Variants in FAM240C observed in about 807,000 individuals in gnomAD.
The protein encoded by FAM240C is protein FAM240C.
In FAM240C, 14 loss-of-function variants were observed where a neutral mutation model predicts 10.0. That is an observed-to-expected ratio of 1.40 (90% CI 0.92 to 2.19). FAM240C has a LOEUF of 2.19. FAM240C is among the 30% of genes most tolerant of loss of function. The pLI is 0.00. For missense variants in FAM240C, 154 were observed against 122.3 expected (o/e 1.26, Z -1.22); for synonymous variants, 49 against 44.3 (o/e 1.11, Z -0.42).
rs1701736780 is a variant in FAM240C at position 241,894,396 on chromosome 2, G to C, written c.162-57C>G. On this transcript the variant is annotated intron_variant, in intron 2 of 2. Coordinates refer to ENST00000404031, the MANE Select transcript of FAM240C (RefSeq NM_001382368.1). ...GTCAAGCTCTCGGAACTTAGTGACG[G>C]CCAAGCCCGTGTCTCTCAGCACCTG... The C allele has an allele frequency of 2.0e-6, 3 of 1,504,490 alleles. No homozygotes were observed. In the East Asian group the frequency reaches 7.5e-5, roughly 37 times the overall value. The allele number at this position is 1,504,490 out of a possible 1,614,324, so 93.2% of individuals were successfully genotyped here.
intron 2 of FAM240C, among the ~76,000 whole-genome samples, chr2:241,895,662 TGTGG>T (rs1442310583): frequency 6.6e-6 from 1 of 152,170 alleles, no homozygotes; most frequent in Non-Finnish European, 1.5e-5. Context: ...AACCGGGCTG[TGTGG>T]GTGGATGGAG....
intron 2 of FAM240C, among the ~76,000 whole-genome samples, chr2:241,896,526 GGTGTTGGGGTGTGGGTGTTGGGGTGTGT>G (rs1701811867): frequency 4.7e-5 from 6 of 127,232 alleles, no homozygotes; most frequent in Admixed American, 1.6e-4. Context: ...TTGGGGTGTG[GGTGTTGGGGTGTGGGTGTTGGGGTGTGT>G]GTGTTGGGGT....
intron 1 of FAM240C, among the ~76,000 whole-genome samples, chr2:241,898,384 T>C (rs1701902566): frequency 6.6e-6 from 1 of 152,112 alleles, no homozygotes; most frequent in African/African-American, 2.4e-5. Context: ...AAACCCTGTC[T>C]CTACTAAAAA....
chr2:241,897,480 G>T, intron 1 of FAM240C, 146 bp from the exon 2 acceptor site: 1 of 980,450 alleles, frequency 1.0e-6, no homozygotes, highest in Non-Finnish European at 1.5e-6. Flanking sequence ...GGATGGCGGA[G>T]GCTGCCCTCT....
intron 2 of FAM240C, among the ~76,000 whole-genome samples, 195 bp downstream of exon 2, chr2:241,896,991 G>T (rs78709065): frequency 2.6e-5 from 4 of 151,876 alleles, no homozygotes; most frequent in Non-Finnish European, 5.9e-5. Context: ...TGTTCCAAGC[G>T]TGATCACTAA....
Position 241,897,341 on chromosome 2 carries a change from A to G in FAM240C, c.13-7T>C. The G allele has an allele frequency of 1.3e-6, 2 of 1,549,112 alleles. No individual in the cohort carries two copies. The highest frequency in any genetic ancestry group is 1.7e-6 in the Non-Finnish European group (2 of 1,146,044). On this transcript the variant is annotated splice_polypyrimidine_tract_variant and splice_region_variant and intron_variant, in intron 1 of 2. Coordinates refer to ENST00000404031, the MANE Select transcript of FAM240C (RefSeq NM_001382368.1). ...TGAGGCTTTTACTCATGTTCTGGAA[A>G]ATAAAAAGTGGAGAAGAGCTCAGTC...
rs199541986 is a variant in FAM240C, at chr2:241,900,308, C to T, written c.12+50G>A. 2.6e-4 allele frequency: 189 copies of T among 716,422 alleles called. 1 individual carries two copies. The highest frequency in any genetic ancestry group is 1.5e-3 in the Admixed American group (73 of 49,964). 44.4% of individuals were successfully genotyped at this position (716,422 alleles called of 1,614,324 possible). On this transcript the variant is annotated intron_variant, in intron 1 of 2. Coordinates refer to ENST00000404031, the MANE Select transcript of FAM240C (RefSeq NM_001382368.1). This position sits in a 1 kb window ranked among gnomAD's most constrained non-coding sequence, Gnocchi z 4.5. ...ACCTTTTGGGGGCCCCCAAATGCAG[C>T]GCCAATCTCTCAAGCAAGGACAGCG...
chr2:241,894,582 G>A (rs994698415), intron 2 of FAM240C, among the ~76,000 whole-genome samples: 39 of 145,998 alleles, frequency 2.7e-4, no homozygotes, highest in African/African-American at 9.2e-4. Context: ...GTGGGGGGGG[G>A]GGGGGGCGTC....
intron 1 of FAM240C, 123 bp from the exon 2 acceptor site, chr2:241,897,457 C>CCCCCACGCACCAGGAAGG: frequency 8.1e-7 from 1 of 1,230,712 alleles, no homozygotes; most frequent in Non-Finnish European, 1.1e-6. Flanking sequence ...TCCCCGCCTT[C>CCCCCACGCACCAGGAAGG]CTGGTTCGTG....
chr2:241,895,822 GC>G (rs5839832), intron 2 of FAM240C, among the ~76,000 whole-genome samples: 8,188 of 152,246 alleles, frequency 0.054, 1,024 homozygotes, highest in East Asian at 0.48. Flanking sequence ...CTGCACCCAG[GC>G]AATGGCCAGA....
upstream of FAM240C, among the ~76,000 whole-genome samples, chr2:241,900,733 G>A (rs1029047556): frequency 6.6e-6 from 1 of 152,120 alleles, no homozygotes; most frequent in Non-Finnish European, 1.5e-5. This position sits in a 1 kb window ranked among gnomAD's most constrained non-coding sequence, Gnocchi z 4.5. Flanking sequence ...TAGGAGTCCT[G>A]GGTTTTGCCC....
At chr2:241,896,545 T>A (rs879331303) in intron 2 of FAM240C, among the ~76,000 whole-genome samples, 1,135 of 10,602 alleles carry the variant, frequency 0.11, no homozygotes, top group Non-Finnish European at 0.18. Context: ...GTGTGGGTGT[T>A]GGGGTGTGTG....
intron 1 of FAM240C, chr2:241,899,382 A>G: frequency 2.0e-6 from 2 of 977,114 alleles, no homozygotes; most frequent in Non-Finnish European, 2.4e-6. Flanking sequence ...TTGATCATGA[A>G]GGGACTGAAC....
At chr2:241,900,508 A>C (rs1437964366), upstream of FAM240C, 3 of 653,624 alleles carry the variant, frequency 4.6e-6, no homozygotes, top group Non-Finnish European at 2.9e-6. The surrounding 1 kb of genome is among the most constrained non-coding windows in gnomAD (Gnocchi z 4.5). Flanking sequence ...GTTCAGTCCC[A>C]GAAAGACGCG....
intron 2 of FAM240C, 36 bp downstream of exon 2, chr2:241,897,150 A>T (rs1342123553): frequency 3.9e-6 from 6 of 1,545,598 alleles, no homozygotes; most frequent in Middle Eastern, 3.5e-4. Context: ...TGGCTCAGGC[A>T]TAGGGGTCCC....
chr2:241,894,414 AGCACCTGG>A, intron 2 of FAM240C, 75 bp from the exon 3 acceptor site: 7 of 1,473,112 alleles, frequency 4.8e-6, no homozygotes, highest in Non-Finnish European at 4.5e-6. Flanking sequence ...CGTGTCTCTC[AGCACCTGG>A]GCACCTGTGA....
upstream of FAM240C, among the ~76,000 whole-genome samples, chr2:241,901,141 C>G (rs547612519): frequency 1.3e-5 from 2 of 152,180 alleles, no homozygotes; most frequent in East Asian, 3.9e-4. This position sits in a 1 kb window ranked among gnomAD's most constrained non-coding sequence, Gnocchi z 4.9. Flanking sequence ...GCCCAGCACA[C>G]GGGGGTCACC....
chr2:241,901,068 G>T (rs1216998623), upstream of FAM240C, among the ~76,000 whole-genome samples: 1 of 152,080 alleles, frequency 6.6e-6, no homozygotes, highest in Middle Eastern at 3.2e-3. The surrounding 1 kb of genome is among the most constrained non-coding windows in gnomAD (Gnocchi z 4.9). Flanking sequence ...GAAGGCAGGC[G>T]AGCAGGAGCG....
chr2:241,902,364 CCGCCGCCGCCTCCCCT>C (rs1702005225), upstream of FAM240C: 1 of 143,166 alleles, frequency 7.0e-6, no homozygotes, highest in Non-Finnish European at 1.5e-5. This position sits in a 1 kb window ranked among gnomAD's most constrained non-coding sequence, Gnocchi z 7.1. Context: ...CGCCTCCCCT[CCGCCGCCGCCTCCCCT>C]CCGCCGCCGC....
Sources: allele counts gnomAD v4.1 joint callset (sites outside exome capture counted in the v4.1 genomes callset), GRCh38; gene constraint gnomAD v4.1.1; non-coding constraint Gnocchi (gnomAD v3.1); transcripts MANE v1.5; gene names NCBI Gene and HGNC (gene_info 2026-07-23, HGNC 2026-07-21).